Variants in XKR6 observed in about 807,000 individuals in gnomAD.
XKR6 encodes the protein XK related 6.
Under a neutral mutation model 56.7 loss-of-function variants are expected in XKR6, and 22 were observed. That is an observed-to-expected ratio of 0.39 (90% CI 0.28 to 0.55). The LOEUF is 0.55. Among genes scored for constraint, XKR6 ranks in the 20% least tolerant of loss-of-function variants. The pLI is 0.66. For missense variants in XKR6, 852 were observed against 889.0 expected (o/e 0.96, Z 0.53); for synonymous variants, 524 against 387.8 (o/e 1.35, Z -4.13).
chr8:11,011,018 C>T (rs1271966086), intron 1 of XKR6, among the ~76,000 whole-genome samples: 1 of 152,226 alleles, frequency 6.6e-6, no homozygotes, highest in Admixed American at 6.5e-5. Context: ...CATCTCTCAG[C>T]AACCCAATCA....
intron 1 of XKR6, among the ~76,000 whole-genome samples, chr8:11,179,948 C>G (rs1227395714): frequency 6.6e-6 from 1 of 152,054 alleles, no homozygotes; most frequent in African/African-American, 2.4e-5. Flanking sequence ...GCCTGGGCAA[C>G]ATGGCGAGAC....
chr8:11,175,007 T>C (rs1034693796), intron 1 of XKR6: 2 of 152,178 alleles, frequency 1.3e-5, no homozygotes, highest in Non-Finnish European at 2.9e-5. Flanking sequence ...CTGAAAGAAT[T>C]TGTTGCTCTT....
At chr8:11,182,808 G>C (rs975213919) in intron 1 of XKR6, among the ~76,000 whole-genome samples, 3 of 152,156 alleles carry the variant, frequency 2.0e-5, no homozygotes, top group African/African-American at 7.2e-5. Flanking sequence ...TGCATCATCA[G>C]TCATTTCTGC....
At chr8:10,920,725 GC>G in intron 2 of XKR6, among the ~76,000 whole-genome samples, 1 of 152,270 alleles carries the variant, frequency 6.6e-6, no homozygotes, top group South Asian at 2.1e-4. Context: ...CTTACAGGCA[GC>G]CCGTGCTCAG....
intron 1 of XKR6, among the ~76,000 whole-genome samples, chr8:11,196,333 G>C (rs763488651): frequency 2.0e-5 from 3 of 152,152 alleles, no homozygotes; most frequent in Non-Finnish European, 2.9e-5. Flanking sequence ...AAAAGGCAAA[G>C]AGAAGTGGGC....
At chr8:10,941,907 C>T (rs958709209) in intron 1 of XKR6, among the ~76,000 whole-genome samples, 1 of 151,914 alleles carries the variant, frequency 6.6e-6, no homozygotes, top group African/African-American at 2.4e-5. Context: ...TCTGCCCCAG[C>T]AGCCAGGCCT....
At chr8:11,071,608 C>G (rs950792873) in intron 1 of XKR6, among the ~76,000 whole-genome samples, 1 of 147,236 alleles carries the variant, frequency 6.8e-6, no homozygotes, top group Middle Eastern at 3.6e-3. Flanking sequence ...GTCTATCAGC[C>G]CCGAGTCCAT....
chr8:11,067,608 C>G (rs980931770), intron 1 of XKR6, among the ~76,000 whole-genome samples: 10 of 152,246 alleles, frequency 6.6e-5, no homozygotes, highest in African/African-American at 2.4e-4. Flanking sequence ...GGAGAAAAAT[C>G]CACCCACAGT....
intron 1 of XKR6, among the ~76,000 whole-genome samples, chr8:11,198,882 C>T (rs1196648964): frequency 6.6e-6 from 1 of 151,656 alleles, no homozygotes; most frequent in Non-Finnish European, 1.5e-5. Context: ...TCATTCCTGG[C>T]ATCTTAACAA....
At chr8:11,115,033 C>A (rs1799106534) in intron 1 of XKR6, among the ~76,000 whole-genome samples, 1 of 152,166 alleles carries the variant, frequency 6.6e-6, no homozygotes, top group Non-Finnish European at 1.5e-5. Context: ...CGTCAGCCAT[C>A]TATTTCCTAA....
intron 1 of XKR6, among the ~76,000 whole-genome samples, chr8:11,083,909 TA>T (rs953911689): frequency 2.0e-5 from 3 of 152,138 alleles, no homozygotes; most frequent in Non-Finnish European, 4.4e-5. Flanking sequence ...AGACAGATTG[TA>T]AGTTTGCTGT....
chr8:11,188,772 C>T (rs1418104284), intron 1 of XKR6, among the ~76,000 whole-genome samples: 1 of 152,166 alleles, frequency 6.6e-6, no homozygotes, highest in Non-Finnish European at 1.5e-5. Context: ...GAGGATCTAA[C>T]CCTCCCTGCC....
intron 1 of XKR6, among the ~76,000 whole-genome samples, chr8:10,972,848 G>T (rs1191262792): frequency 6.6e-6 from 1 of 152,150 alleles, no homozygotes; most frequent in East Asian, 1.9e-4. Context: ...ACTTAAAATC[G>T]GTTAAAATGG....
chr8:11,054,114 C>T (rs1412605376), intron 1 of XKR6, among the ~76,000 whole-genome samples: 3 of 152,188 alleles, frequency 2.0e-5, no homozygotes, highest in African/African-American at 7.2e-5. Flanking sequence ...AAGTTCCAAG[C>T]ATGCACTGTC....
intron 1 of XKR6, among the ~76,000 whole-genome samples, chr8:11,058,372 C>A (rs1023676137): frequency 2.0e-5 from 3 of 152,170 alleles, no homozygotes; most frequent in Non-Finnish European, 4.4e-5. Context: ...GACACATGCA[C>A]ACGTATGTTT....
In XKR6 at chr8:11,200,667, A is replaced by G. The variant is rs1804165148; in HGVS notation, c.673T>C (p.Ser225Pro). Residue 225 changes from serine to proline, a missense_variant, in exon 1 of 3, where the codon TCC (serine) becomes CCC (proline). By Grantham distance (74) the Ser-to-Pro change is moderately conservative. This residue lies in a region of XKR6 where 417 missense variants were observed against 355.2 expected (regional missense o/e 1.17). Transcript: ENST00000416569. The surrounding 1 kb of genome is among the most constrained non-coding windows in gnomAD (Gnocchi z 6.4). Reference sequence around the variant, plus strand: ...AGGCGCTGCGCCCCCGGCGTGGGGGAGACCCTCACGCCTGGGCCACCGCGG... The same window carrying G: ...AGGCGCTGCGCCCCCGGCGTGGGGGGGACCCTCACGCCTGGGCCACCGCGG... ...AARGGPGVRVSPTPGAQRLCR... is the reference protein window; with the variant it reads ...AARGGPGVRVPPTPGAQRLCR... The G allele has an allele frequency of 2.6e-6, 4 of 1,556,964 alleles. No homozygotes were observed. The highest frequency in any genetic ancestry group is 3.4e-6 in the Non-Finnish European group (4 of 1,162,748).
intron 1 of XKR6, among the ~76,000 whole-genome samples, chr8:11,130,263 A>G (rs560136256): frequency 6.6e-6 from 1 of 152,006 alleles, no homozygotes; most frequent in African/African-American, 2.4e-5. Flanking sequence ...AAAATGATAG[A>G]TTTTTCAGCA....
At chr8:11,171,071 A>G (rs1207043305) in intron 1 of XKR6, among the ~76,000 whole-genome samples, 1 of 152,246 alleles carries the variant, frequency 6.6e-6, no homozygotes, top group African/African-American at 2.4e-5. Context: ...CACCATCTTT[A>G]TATACTTTGT....
intron 1 of XKR6, among the ~76,000 whole-genome samples, chr8:11,009,496 T>G (rs1455861954): frequency 6.6e-6 from 1 of 152,002 alleles, no homozygotes; most frequent in African/African-American, 2.4e-5. Context: ...GGTGAGAGAG[T>G]GAGATCCTGT....
Sources: gnomAD v4.1 joint callset for allele counts (sites outside exome capture counted in the v4.1 genomes callset) on GRCh38, gnomAD v4.1.1 for gene constraint, gnomAD v4.1.1 regional missense constraint, Gnocchi (gnomAD v3.1) non-coding constraint, MANE v1.5 for transcripts, NCBI Gene and HGNC (gene_info 2026-07-23, HGNC 2026-07-21) for gene names.